Variants in LONP1 observed in about 807,000 individuals in gnomAD.
LONP1 encodes the protein lon peptidase 1, mitochondrial.
LONP1 carries 31 observed loss-of-function variants against 98.5 expected under a neutral mutation model. That is an observed-to-expected ratio of 0.31 (90% CI 0.24 to 0.42). The LOEUF (loss-of-function observed/expected upper bound fraction) is 0.42. LONP1 is among the 20% of genes least tolerant of loss of function. The pLI is 1.00. For missense variants in LONP1, 1,336 were observed against 1,350.6 expected, an observed-to-expected ratio of 0.99 and a Z score of 0.17; for synonymous variants, 781 against 594.7, an observed-to-expected ratio of 1.31 and a Z score of -4.56.
chr19:5,697,870 G>C (rs962590955), intron 10 of LONP1, among the ~76,000 whole-genome samples: 2 of 151,876 alleles, frequency 1.3e-5, no homozygotes, highest in Non-Finnish European at 2.9e-5. Context: ...TCAGAACCCC[G>C]CCAGGGTCTC....
chr19:5,711,762 C>A lies in LONP1; in HGVS notation c.870+9G>T. On this transcript the variant is annotated intron_variant, in intron 4 of 17. Coordinates refer to ENST00000360614, the MANE Select transcript of LONP1 (RefSeq NM_004793.4). The stretch of plus-strand genomic sequence containing the variant: ...AGCTGTGGCCGCCCTGCGTGACGCA[C>A]GGACTCACTTTCACCTCCTCCGTGA... 1 of 1,600,142 alleles carries A rather than the reference C, an allele frequency of 6.2e-7. No individual in the cohort carries two copies. Among genetic ancestry groups the A allele is most frequent in the Non-Finnish European group, 8.5e-7 (1 of 1,170,698 alleles).
chr19:5,699,212 A>G lies in LONP1; in HGVS notation c.1507-7T>C. 1 of 1,493,612 alleles carries G rather than the reference A, an allele frequency of 6.7e-7. No homozygotes were observed. Among genetic ancestry groups the G allele is most frequent in the Non-Finnish European group, 9.0e-7 (1 of 1,116,298 alleles). 92.5% of individuals were successfully genotyped at this position (1,493,612 alleles called of 1,614,324 possible). A position where few individuals can be genotyped will look rare whatever the true frequency, so the allele number is the denominator to read the frequency against. On this transcript the variant is annotated splice_polypyrimidine_tract_variant and splice_region_variant and intron_variant, in intron 9 of 17. Transcript: ENST00000360614. Reference sequence around the variant, plus strand: ...GGCTAACGGCAATGAACTCCTGCAGACAGAGGCAGGTTCAGTGGGCACGTG... The same window carrying G: ...GGCTAACGGCAATGAACTCCTGCAGGCAGAGGCAGGTTCAGTGGGCACGTG...
intron 8 of LONP1, among the ~76,000 whole-genome samples, chr19:5,701,610 G>T (rs1020601455): frequency 6.6e-6 from 1 of 152,238 alleles, no homozygotes; most frequent in Non-Finnish European, 1.5e-5. Flanking sequence ...CGGGATTGCA[G>T]ACGGAGTCTC....
chr19:5,709,861 G>C (rs1169498285), intron 4 of LONP1, among the ~76,000 whole-genome samples: 4 of 128,842 alleles, frequency 3.1e-5, no homozygotes, highest in Non-Finnish European at 6.2e-5. Flanking sequence ...GCGGTGAGCC[G>C]AGATCACGCC....
chr19:5,692,617 C>T (rs984618497), intron 17 of LONP1, among the ~76,000 whole-genome samples: 1 of 152,190 alleles, frequency 6.6e-6, no homozygotes, highest in African/African-American at 2.4e-5. Flanking sequence ...CCTCCGGAGG[C>T]TACACATATC....
At chr19:5,695,019 C>A in intron 13 of LONP1, 118 bp from the exon 14 acceptor site, 1 of 1,248,002 alleles carries the variant, frequency 8.0e-7, no homozygotes, top group Non-Finnish European at 1.1e-6. Flanking sequence ...AACGAGGTCC[C>A]TGATGGTGAA....
chr19:5,692,145 G>T lies in LONP1; in HGVS notation c.2767C>A (p.Leu923Met). ...AGGCCCTCGGTGATGAAGGCTGCCA[G>T]GTCGTAGAAGTCCTTCTTGTTCTCG... is the stretch of plus-strand genomic sequence containing the variant. ...PAENKKDFYD[L>M]AAFITEGLEV... Residue 923 changes from leucine to methionine, a missense_variant, in exon 18 of 18, where the codon CTG (leucine) becomes ATG (methionine). Leu to Met is a conservative substitution (Grantham distance 15). Transcript: ENST00000360614. The T allele has an allele frequency of 6.2e-7, 1 of 1,614,154 alleles. No homozygotes were observed. The highest frequency in any genetic ancestry group is 8.5e-7 in the Non-Finnish European group (1 of 1,180,000).
Position 5,713,131 on chromosome 19 carries a change from C to T in LONP1, c.638+3G>A, listed in dbSNP as rs2055263288. On this transcript the variant is annotated splice_donor_region_variant and intron_variant, in intron 3 of 17. Transcript: ENST00000360614. ...CTCCCACTGTCCCCCGCCAGCCACC[C>T]ACCTTCTGTGTCCCATGACGATCAT... 6.2e-7 allele frequency: 1 copy of T among 1,614,120 alleles called. No homozygotes were observed. The highest frequency in any genetic ancestry group is 1.7e-5 in the Admixed American group (1 of 60,014).
chr19:5,710,295 G>T (rs2055217122), intron 4 of LONP1, among the ~76,000 whole-genome samples: 1 of 151,840 alleles, frequency 6.6e-6, no homozygotes, highest in Non-Finnish European at 1.5e-5. Flanking sequence ...CTCCATGTTG[G>T]TCAGGCTGGT....
At chr19:5,720,234 C>T (rs1272152581), upstream of LONP1, 3 of 1,369,882 alleles carry the variant, frequency 2.2e-6, no homozygotes, top group Admixed American at 3.6e-5. Context: ...GGGCGCGTGG[C>T]TCGAAACAGC....
At chr19:5,701,299 TTCTGCCTCTGCC>T (rs369082199) in intron 8 of LONP1, among the ~76,000 whole-genome samples, 1 of 152,124 alleles carries the variant, frequency 6.6e-6, no homozygotes, top group Non-Finnish European at 1.5e-5. Flanking sequence ...CAAAAAATGC[TTCTGCCTCTGCC>T]TCTGCCCTCT....
At chr19:5,702,165 C>G (rs1281036265) in intron 8 of LONP1, among the ~76,000 whole-genome samples, 1 of 145,402 alleles carries the variant, frequency 6.9e-6, no homozygotes, top group African/African-American at 2.6e-5. Context: ...AGTGAGGAGC[C>G]CCTCTGCCCG....
intron 7 of LONP1, among the ~76,000 whole-genome samples, chr19:5,706,675 G>A (rs542813828): frequency 3.3e-5 from 5 of 152,246 alleles, no homozygotes; most frequent in African/African-American, 4.8e-5. Flanking sequence ...GTGATCTGCC[G>A]AAAATCATGA....
intron 10 of LONP1, among the ~76,000 whole-genome samples, chr19:5,697,509 G>A (rs78290532): frequency 0.02 from 2,965 of 146,424 alleles, 64 homozygotes; most frequent in East Asian, 0.032. Context: ...AGGGAGGAGG[G>A]GGGGAGAGAA....
At chr19:5,714,073 C>A in intron 2 of LONP1, 110 bp downstream of exon 2, 1 of 788,014 alleles carries the variant, frequency 1.3e-6, no homozygotes, top group East Asian at 2.6e-5. Context: ...GAGGTCTTCC[C>A]TGGTTTCCTC....
chr19:5,694,077 C>T (rs1167607245), intron 15 of LONP1, among the ~76,000 whole-genome samples: 3 of 152,192 alleles, frequency 2.0e-5, no homozygotes, highest in African/African-American at 4.8e-5. Flanking sequence ...CCCTCCCGCA[C>T]CATCCCCTTT....
At chr19:5,701,905 CCT>C (rs1474296435) in intron 8 of LONP1, among the ~76,000 whole-genome samples, 1 of 151,534 alleles carries the variant, frequency 6.6e-6, no homozygotes, top group Non-Finnish European at 1.5e-5. Flanking sequence ...GCCCCGCCGC[CCT>C]GTCTGGGATA....
chr19:5,700,427 T>G (rs1030626868), intron 9 of LONP1, among the ~76,000 whole-genome samples: 1 of 152,066 alleles, frequency 6.6e-6, no homozygotes, highest in Non-Finnish European at 1.5e-5. Context: ...TTTTAAAATT[T>G]TTTGTAGAGA....
chr19:5,714,179 T>C lies in LONP1; in HGVS notation c.518+4A>G, dbSNP rs764570610. On this transcript the variant is annotated splice_donor_region_variant and intron_variant, in intron 2 of 17. Coordinates refer to ENST00000360614, the MANE Select transcript of LONP1 (RefSeq NM_004793.4). The stretch of plus-strand genomic sequence containing the variant: ...CAAGGGAATGAAGGAAAAATCACAC[T>C]TACCTGTCATCTCTCTTTAGAAAGA... 4 of 1,611,088 alleles carry C rather than the reference T, an allele frequency of 2.5e-6. No homozygotes were observed. The highest frequency in any genetic ancestry group is 3.4e-6 in the Non-Finnish European group (4 of 1,178,390).
Sources: allele counts gnomAD v4.1 joint callset (sites outside exome capture counted in the v4.1 genomes callset), GRCh38; gene constraint gnomAD v4.1.1; transcripts MANE v1.5; gene names NCBI Gene and HGNC (gene_info 2026-07-23, HGNC 2026-07-21).